EXD2: variants seen among roughly 807,000 people sequenced by gnomAD.
The protein encoded by EXD2 is exonuclease 3'-5' domain-containing protein 2.
In EXD2, 40 loss-of-function variants were observed where a neutral mutation model predicts 62.5. That is an observed-to-expected ratio of 0.64 (90% confidence interval 0.50 to 0.83). The LOEUF is 0.83. Among genes scored for constraint, EXD2 ranks in the 40% least tolerant of loss-of-function variants. The pLI is 0.00. For missense variants in EXD2, 671 were observed against 761.8 expected, an observed-to-expected ratio of 0.88 and a Z score of 1.40; for synonymous variants, 239 against 291.9, an observed-to-expected ratio of 0.82 and a Z score of 1.85.
rs1259764175 is a variant in EXD2, at chr14:69,243,518, TG to T, written c.*2419del. The stretch of plus-strand genomic sequence containing the variant: ...GTAACTTCCTATGTTTTTAAATCTT[TG>T]AAAATAGATTTCTAGTGGTTCTACC... On this transcript the variant is annotated 3_prime_UTR_variant, in exon 10 of 10. Coordinates refer to ENST00000685843, the MANE Select transcript of EXD2 (RefSeq NM_001193360.2). The T allele has an allele frequency of 3.4e-4, 52 of 152,364 alleles. No homozygotes were observed. The highest frequency in any genetic ancestry group is 1.2e-3 in the African/African-American group (51 of 41,588). The allele number at this position is 152,364 out of a possible 1,614,324, so 9.4% of individuals were successfully genotyped here. A position where few individuals can be genotyped will look rare whatever the true frequency, so the allele number is the denominator to read the frequency against.
At chr14:69,210,528 A>AGT (rs1481319601) in intron 3 of EXD2, among the ~76,000 whole-genome samples, 3 of 152,124 alleles carry the variant, frequency 2.0e-5, no homozygotes, top group Non-Finnish European at 4.4e-5. Context: ...GCTTATGCTG[A>AGT]GTGTGGCGGT....
chr14:69,236,521 G>A lies in EXD2; in HGVS notation c.1271G>A (p.Gly424Asp). Residue 424 changes from glycine to aspartate, a missense_variant, in exon 8 of 10, where the codon GGC becomes GAC. Gly to Asp is a moderately conservative substitution (Grantham distance 94). Coordinates refer to ENST00000685843, the MANE Select transcript of EXD2 (RefSeq NM_001193360.2). The part of the protein sequence containing the change: ...MVKENLCVVC[G>D]KRDSYIRKNV... The stretch of plus-strand genomic sequence containing the variant: ...AAAGAGAACCTGTGTGTAGTGTGTG[G>A]CAAGAGAGACTCCTACATTCGGTGA... 1 of 1,614,154 alleles carries A rather than the reference G, an allele frequency of 6.2e-7. No homozygotes were observed.
intron 5 of EXD2, among the ~76,000 whole-genome samples, chr14:69,232,140 C>T (rs572879769): frequency 6.6e-6 from 1 of 152,204 alleles, no homozygotes; most frequent in East Asian, 1.9e-4. Flanking sequence ...TTCAGTTTTG[C>T]CTGGTATTAC....
At chr14:69,209,326 GCA>G in intron 2 of EXD2, 96 bp from the exon 3 acceptor site, 1 of 559,594 alleles carries the variant, frequency 1.8e-6, no homozygotes. Flanking sequence ...TAGTTTGTGG[GCA>G]CAGAGATTAT....
chr14:69,216,100 C>T (rs1331285464), intron 3 of EXD2, among the ~76,000 whole-genome samples: 1 of 152,098 alleles, frequency 6.6e-6, no homozygotes, highest in Admixed American at 6.6e-5. Context: ...TACAATCCAC[C>T]TGAAATTGAT....
chr14:69,210,062 C>G (rs2042757068), intron 3 of EXD2: 1 of 312,120 alleles, frequency 3.2e-6, no homozygotes, highest in Admixed American at 4.6e-5. Context: ...TGAACTTGGA[C>G]AAGCTATTTA....
chr14:69,236,011 T>G (rs1285397367), intron 6 of EXD2, 35 bp from the exon 7 acceptor site: 2 of 1,535,532 alleles, frequency 1.3e-6, no homozygotes, highest in South Asian at 2.2e-5. Context: ...CACAGTTAGC[T>G]TCCGGTTTGA....
chr14:69,214,441 A>G (rs901299545), intron 3 of EXD2, among the ~76,000 whole-genome samples: 3 of 152,074 alleles, frequency 2.0e-5, no homozygotes, highest in African/African-American at 7.2e-5. Context: ...CTCTTTTACA[A>G]TTCCCTTTTT....
At chr14:69,193,872 C>T (rs1159990080) in intron 1 of EXD2, among the ~76,000 whole-genome samples, 1 of 152,052 alleles carries the variant, frequency 6.6e-6, no homozygotes, top group Non-Finnish European at 1.5e-5. Context: ...TATTGGTTAT[C>T]TAGTGAGTAA....
At chr14:69,218,956 T>A (rs1477562049) in intron 3 of EXD2, among the ~76,000 whole-genome samples, 2 of 152,222 alleles carry the variant, frequency 1.3e-5, no homozygotes, top group East Asian at 3.8e-4. Flanking sequence ...TCTCCAGCTT[T>A]GTTCTTTTGG....
intron 1 of EXD2, among the ~76,000 whole-genome samples, chr14:69,198,010 T>A (rs1237984277): frequency 6.6e-6 from 1 of 152,204 alleles, no homozygotes; most frequent in Non-Finnish European, 1.5e-5. Flanking sequence ...TCTCCACTCT[T>A]CTGGTCTTCT....
chr14:69,216,541 C>T (rs1051361269), intron 3 of EXD2, among the ~76,000 whole-genome samples: 5 of 152,136 alleles, frequency 3.3e-5, no homozygotes, highest in African/African-American at 1.2e-4. Flanking sequence ...CATTCTCCTG[C>T]CTCAGCCACC....
intron 3 of EXD2, among the ~76,000 whole-genome samples, chr14:69,223,391 T>G (rs1172673651): frequency 6.6e-6 from 1 of 152,196 alleles, no homozygotes; most frequent in East Asian, 1.9e-4. Flanking sequence ...CATTTAAGAT[T>G]AAAATCAGTG....
At chr14:69,205,559 ATC>A (rs753259963) in intron 2 of EXD2, among the ~76,000 whole-genome samples, 1 of 152,200 alleles carries the variant, frequency 6.6e-6, no homozygotes, top group African/African-American at 2.4e-5. Flanking sequence ...TTTCATTAAT[ATC>A]TCTGAATATT....
chr14:69,215,298 ATG>A (rs61469385), intron 3 of EXD2, among the ~76,000 whole-genome samples: 462 of 102,054 alleles, frequency 4.5e-3, no homozygotes, highest in Middle Eastern at 8.8e-3. Flanking sequence ...TCAAAAATAT[ATG>A]TGTGTGTGTG....
Position 69,240,824 on chromosome 14 carries a change from G to C in EXD2, c.1650-60G>C. On this transcript the variant is annotated intron_variant, in intron 9 of 9. Coordinates refer to ENST00000685843, the MANE Select transcript of EXD2 (RefSeq NM_001193360.2). Reference sequence around the variant, plus strand: ...CCCTTGGCGCGCAGCATTTGAAGCTGTCTGTGAGGCCATCCTGCGCTTGTT... The same window carrying C: ...CCCTTGGCGCGCAGCATTTGAAGCTCTCTGTGAGGCCATCCTGCGCTTGTT... The C allele has an allele frequency of 2.0e-6, 3 of 1,481,192 alleles. No individual in the cohort carries two copies. The South Asian group carries it at 3.6e-5, about 18-fold the overall frequency. The allele number at this position is 1,481,192 out of a possible 1,614,324, so 91.8% of individuals were successfully genotyped here.
At chr14:69,222,414 T>G (rs2043216416) in intron 3 of EXD2, among the ~76,000 whole-genome samples, 1 of 152,240 alleles carries the variant, frequency 6.6e-6, no homozygotes, top group African/African-American at 2.4e-5. Flanking sequence ...TCTTTCCATA[T>G]TACTCCACTG....
chr14:69,197,927 TTAATA>T (rs1454381137), intron 1 of EXD2, among the ~76,000 whole-genome samples: 1 of 152,222 alleles, frequency 6.6e-6, no homozygotes, highest in Non-Finnish European at 1.5e-5. Context: ...AATGAATACT[TTAATA>T]TGAGTATATA....
At chr14:69,219,616 T>C (rs1323657921) in intron 3 of EXD2, among the ~76,000 whole-genome samples, 1 of 152,228 alleles carries the variant, frequency 6.6e-6, no homozygotes, top group African/African-American at 2.4e-5. Flanking sequence ...GATTTTTAAA[T>C]TTAAGTATAA....
Sources: allele counts gnomAD v4.1 joint callset (sites outside exome capture counted in the v4.1 genomes callset), GRCh38; gene constraint gnomAD v4.1.1; transcripts MANE v1.5; gene names NCBI Gene and HGNC (gene_info 2026-07-23, HGNC 2026-07-21).